The following ZNF609 variants were observed in gnomAD, a reference collection of about 807,000 sequenced individuals.
ZNF609 encodes the protein zinc finger protein 609.
ZNF609 carries 11 observed loss-of-function variants against 109.5 expected under a neutral mutation model. The observed-to-expected ratio is 0.10, with a 90% CI of 0.06 to 0.17. The LOEUF is 0.17. Ranked by LOEUF, ZNF609 falls within the 10% of genes least tolerant of loss-of-function variation. ZNF609 has a pLI of 1.00. For synonymous variants in ZNF609, 646 were observed against 662.0 expected, an observed-to-expected ratio of 0.98 and a Z score of 0.37; for missense variants, 1,559 against 1,772.4, an observed-to-expected ratio of 0.88 and a Z score of 2.16.
intron 3 of ZNF609, among the ~76,000 whole-genome samples, chr15:64,629,116 G>A (rs1896022790): frequency 1.3e-5 from 2 of 151,866 alleles, no homozygotes; most frequent in South Asian, 4.2e-4. Flanking sequence ...TTTATAACTG[G>A]TTATTCTCTC....
In ZNF609 at chr15:64,476,925, T is replaced by G. The variant is rs149564682; in HGVS notation, c.-128+16087T>G. Among the ~76,000 whole-genome samples the G allele has an allele frequency of 1.2e-3, 184 of 152,232 alleles. 1 individual carries two copies. Among genetic ancestry groups the G allele is most frequent in the Non-Finnish European group, 2.5e-3 (167 of 68,020 alleles). On this transcript the variant is annotated intron_variant, in intron 1 of 9. Transcript: ENST00000326648. The stretch of plus-strand genomic sequence containing the variant: ...CAGGTAGCTCTTTAAAAATAAGCTT[T>G]CAAAGAGTGTGTGCTATGCGCCTGG...
Position 64,549,879 on chromosome 15 carries a change from G to A in ZNF609, c.747+49713G>A, listed in dbSNP as rs929264980. Among the ~76,000 whole-genome samples, 4 of 152,124 alleles carry A rather than the reference G, an allele frequency of 2.6e-5. No individual in the cohort carries two copies. The South Asian group carries it at 6.2e-4, about 24-fold the overall frequency. On this transcript the variant is annotated intron_variant, in intron 2 of 9. Coordinates refer to ENST00000326648, the MANE Select transcript of ZNF609 (RefSeq NM_015042.2). ...CAGCTCATTGCAGCTTCAGTCTCCT[G>A]TACCCAAGTGATCCTCCTACATTAG...
chr15:64,674,655 C>G lies in ZNF609; in HGVS notation c.1801C>G (p.Leu601Val). 1 of 1,614,148 alleles carries G rather than the reference C, an allele frequency of 6.2e-7. No individual in the cohort carries two copies. Among genetic ancestry groups the G allele is most frequent in the Non-Finnish European group, 8.5e-7 (1 of 1,180,044 alleles). ...GTTGAGTGGGGAAGGGGACACAGAC[C>G]TTGGGGCCTTATCCAATGATGGCTC... ...KKLSGEGDTD[L>V]GALSNDGSDD... Residue 601 changes from leucine (L) to valine (V), a missense_variant, in exon 5 of 10, where the codon CTT becomes GTT. Physicochemically the swap from Leu to Val is conservative, Grantham distance 32. Transcript: ENST00000326648.
intron 2 of ZNF609, among the ~76,000 whole-genome samples, chr15:64,591,849 C>T (rs1442695536): frequency 5.3e-5 from 8 of 151,924 alleles, no homozygotes; most frequent in East Asian, 1.9e-4. Flanking sequence ...GTAGCTGGGA[C>T]GACCGGCACA....
At chr15:64,658,584 A>G (rs1309394143) in intron 3 of ZNF609, among the ~76,000 whole-genome samples, 1 of 151,792 alleles carries the variant, frequency 6.6e-6, no homozygotes, top group Non-Finnish European at 1.5e-5. Flanking sequence ...ACACACACAC[A>G]TTATATATAA....
intron 5 of ZNF609, 99 bp from the exon 6 acceptor site, chr15:64,678,017 T>C: frequency 2.0e-6 from 3 of 1,464,114 alleles, no homozygotes; most frequent in Non-Finnish European, 2.8e-6. Flanking sequence ...AGGTGTCTAG[T>C]ACTAATTATC....
chr15:64,649,444 G>A (rs1013991798), intron 3 of ZNF609, among the ~76,000 whole-genome samples: 1 of 151,982 alleles, frequency 6.6e-6, no homozygotes, highest in Non-Finnish European at 1.5e-5. Context: ...GGAAATTTGG[G>A]GAATCACACT....
At chr15:64,658,567 C>T (rs539023011) in intron 3 of ZNF609, among the ~76,000 whole-genome samples, 136 of 149,490 alleles carry the variant, frequency 9.1e-4, no homozygotes, top group African/African-American at 2.6e-3. Context: ...GAAAGATATA[C>T]ACACACACAC....
intron 3 of ZNF609, among the ~76,000 whole-genome samples, chr15:64,648,745 C>CAAAAAAA (rs1162012248): frequency 1.4e-5 from 1 of 72,382 alleles, no homozygotes; most frequent in African/African-American, 5.2e-5. Context: ...CACCACATAC[C>CAAAAAAA]AAAAAAAAAA....
intron 2 of ZNF609, among the ~76,000 whole-genome samples, chr15:64,582,084 T>C (rs1175988324): frequency 6.6e-6 from 1 of 152,218 alleles, no homozygotes; most frequent in Non-Finnish European, 1.5e-5. Flanking sequence ...TTTTGACCTC[T>C]ATCCTGTCTC....
intron 3 of ZNF609, chr15:64,631,245 T>G: frequency 1.5e-6 from 1 of 647,180 alleles, no homozygotes; most frequent in South Asian, 1.4e-5. Flanking sequence ...TTCTTTCTTT[T>G]TCTGATCATT....
At chr15:64,602,716 C>CTTTTTTT (rs10600561) in intron 2 of ZNF609, among the ~76,000 whole-genome samples, 3 of 55,570 alleles carry the variant, frequency 5.4e-5, no homozygotes, top group African/African-American at 6.6e-5. Context: ...TTTTTTCTTT[C>CTTTTTTT]TTTTTTTTTT....
intron 4 of ZNF609, among the ~76,000 whole-genome samples, chr15:64,671,070 C>T (rs1384083859): frequency 6.6e-6 from 1 of 150,606 alleles, no homozygotes; most frequent in Non-Finnish European, 1.5e-5. Flanking sequence ...ATTAGCCGGG[C>T]GTGGTGGCGA....
intron 2 of ZNF609, among the ~76,000 whole-genome samples, chr15:64,520,626 A>AT (rs1201354061): frequency 1.3e-5 from 2 of 151,692 alleles, no homozygotes; most frequent in African/African-American, 2.4e-5. Flanking sequence ...TTTGGCTAAT[A>AT]TTTTTTTTCC....
chr15:64,480,706 T>C (rs571393257), intron 1 of ZNF609, among the ~76,000 whole-genome samples: 2 of 152,290 alleles, frequency 1.3e-5, no homozygotes, highest in Admixed American at 6.5e-5. Flanking sequence ...GTTAATTTTT[T>C]CCCTATAACC....
intron 2 of ZNF609, among the ~76,000 whole-genome samples, 153 bp from the exon 3 acceptor site, chr15:64,622,674 A>G (rs1895894734): frequency 6.6e-6 from 1 of 152,234 alleles, no homozygotes; most frequent in Admixed American, 6.5e-5. Context: ...TAGTGGTATC[A>G]TAAGCCAGAA....
intron 2 of ZNF609, among the ~76,000 whole-genome samples, chr15:64,580,126 A>G (rs1360321651): frequency 6.6e-6 from 1 of 152,158 alleles, no homozygotes; most frequent in Non-Finnish European, 1.5e-5. Flanking sequence ...TCAGAGAGAG[A>G]TTTAAAAATG....
chr15:64,628,978 G>A (rs994200079), intron 3 of ZNF609, among the ~76,000 whole-genome samples: 1 of 151,998 alleles, frequency 6.6e-6, no homozygotes, highest in Non-Finnish European at 1.5e-5. Context: ...ACCACCATTT[G>A]ACTGAAATAT....
intron 3 of ZNF609, among the ~76,000 whole-genome samples, chr15:64,666,960 T>C (rs185831894): frequency 5.3e-4 from 80 of 152,214 alleles, no homozygotes; most frequent in African/African-American, 1.9e-3. Context: ...ACCCTGTCTC[T>C]ACTAAAAAAT....
Sources: gnomAD v4.1 joint callset for allele counts (sites outside exome capture counted in the v4.1 genomes callset) on GRCh38, gnomAD v4.1.1 for gene constraint, MANE v1.5 for transcripts, NCBI Gene and HGNC (gene_info 2026-07-23, HGNC 2026-07-21) for gene names.